The following HSPG2 variants were observed in gnomAD, a reference collection of about 807,000 sequenced individuals.
The protein encoded by HSPG2 is heparan sulfate proteoglycan 2.
Under a neutral mutation model 526.6 loss-of-function variants are expected in HSPG2, and 278 were observed. The observed-to-expected ratio is 0.53, with a 90% CI of 0.48 to 0.58. The LOEUF is 0.58. HSPG2 is among the 20% of genes least tolerant of loss of function. The pLI is 0.00. For synonymous variants in HSPG2, 2,465 were observed against 2,555.4 expected (o/e 0.96, Z 1.07); for missense variants, 5,354 against 6,099.5 (o/e 0.88, Z 4.07).
In HSPG2 at chr1:21,824,451, T is replaced by A; in HGVS notation, c.12745-75A>T. 6.3e-7 allele frequency: 1 copy of A among 1,599,440 alleles called. No homozygotes were observed. On this transcript the variant is annotated intron_variant, in intron 93 of 96. Coordinates refer to ENST00000374695, the MANE Select transcript of HSPG2 (RefSeq NM_005529.7). This position sits in a 1 kb window ranked among gnomAD's most constrained non-coding sequence, Gnocchi z 5.9. ...GCTGCCGAGGCCAGGGGGCTCTGCT[T>A]TCCCCTCCCCCCACCACTCCGGCCA...
Position 21,855,358 on chromosome 1 carries a change from G to A in HSPG2, c.5943C>T (p.Gly1981=), listed in dbSNP as rs539388297. The A allele has an allele frequency of 3.1e-6, 5 of 1,611,334 alleles. No homozygotes were observed. Among genetic ancestry groups the A allele is most frequent in the African/African-American group, 2.7e-5 (2 of 75,022 alleles). ...RTVRLYCRAA[G]VPSATITWRK... Reference sequence around the variant, plus strand: ...TCCAGGTGATGGTGGCGCTAGGCACGCCTGCAGCCCTGCAGTACAGCCTGA... The same window carrying A: ...TCCAGGTGATGGTGGCGCTAGGCACACCTGCAGCCCTGCAGTACAGCCTGA... Residue 1981 remains glycine (G), a synonymous_variant, in exon 47 of 97, where the codon GGC becomes GGT. Coordinates refer to ENST00000374695, the MANE Select transcript of HSPG2 (RefSeq NM_005529.7).
intron 1 of HSPG2, among the ~76,000 whole-genome samples, chr1:21,903,556 C>T (rs769497135): frequency 2.6e-5 from 4 of 152,054 alleles, no homozygotes; most frequent in Non-Finnish European, 5.9e-5. Flanking sequence ...GCCAAGATTG[C>T]GCCACTGCAC....
Position 21,859,728 on chromosome 1 carries a change from T to A in HSPG2, c.5183-52A>T, listed in dbSNP as rs550083434. On this transcript the variant is annotated intron_variant, in intron 41 of 96. Coordinates refer to ENST00000374695, the MANE Select transcript of HSPG2 (RefSeq NM_005529.7). This position sits in a 1 kb window ranked among gnomAD's most constrained non-coding sequence, Gnocchi z 5.3. ...TGGTGCAGATACACTCTTTCTCACA[T>A]CCAGCCCCATGCACAAGGACAGCAT... 1.3e-6 allele frequency: 2 copies of A among 1,582,418 alleles called. No homozygotes were observed. Among genetic ancestry groups the A allele is most frequent in the African/African-American group, 2.7e-5 (2 of 74,766 alleles).
chr1:21,927,272 G>C (rs186982446), intron 1 of HSPG2, among the ~76,000 whole-genome samples: 9 of 152,258 alleles, frequency 5.9e-5, no homozygotes, highest in Non-Finnish European at 1.3e-4. Context: ...TGATGGGGAG[G>C]GGGGACACAT....
At chr1:21,892,907 C>T (rs1351525523) in intron 3 of HSPG2, among the ~76,000 whole-genome samples, 1 of 151,974 alleles carries the variant, frequency 6.6e-6, no homozygotes, top group African/African-American at 2.4e-5. Flanking sequence ...AAGAACCAGC[C>T]TCCAGAGCCA....
At chr1:21,849,653 GA>G (rs1572217681) in intron 57 of HSPG2, among the ~76,000 whole-genome samples, 2 of 152,144 alleles carry the variant, frequency 1.3e-5, no homozygotes, top group East Asian at 1.9e-4. Flanking sequence ...AACAGTGTCT[GA>G]ACTCGAACAT....
In HSPG2 at chr1:21,852,975, C is replaced by A. The variant is rs1285470830; in HGVS notation, c.6535G>T (p.Ala2179Ser). Residue 2179 changes from alanine (A) to serine (S), a missense_variant, in exon 51 of 97, where the codon GCC becomes TCC. Ala to Ser is a moderately conservative substitution (Grantham distance 99). Transcript: ENST00000374695. The part of the protein sequence containing the change: ...LDLNCVVPGQ[A>S]HAQVTWHKRG... ...TTGTGCCACGTGACCTGGGCGTGGG[C>A]CTGCCCGGGCACCACGCAGTTCAGA... 6.2e-7 allele frequency: 1 copy of A among 1,613,464 alleles called. No homozygotes were observed. The highest frequency in any genetic ancestry group is 1.3e-5 in the African/African-American group (1 of 74,930).
chr1:21,853,148 G>A, intron 50 of HSPG2, 78 bp from the exon 51 acceptor site: 1 of 1,590,948 alleles, frequency 6.3e-7, no homozygotes, highest in African/African-American at 1.3e-5. Flanking sequence ...GCTCTGGGCT[G>A]TGACCAGGCC....
chr1:21,857,137 G>A lies in HSPG2; in HGVS notation c.5453C>T (p.Ala1818Val). 1 of 1,614,144 alleles carries A rather than the reference G, an allele frequency of 6.2e-7. No homozygotes were observed. The highest frequency in any genetic ancestry group is 8.5e-7 in the Non-Finnish European group (1 of 1,180,024). The change falls in exon 44 of 97, where the codon GCC (alanine) becomes GTC (valine). Residue 1818 changes from alanine to valine, a missense_variant. Transcript: ENST00000374695. ...RLHNGKLPTR[A>V]MDFNGILTIR... ...GGTCAGGATGCCATTGAAATCCATG[G>A]CTCGGGTGGGCAGTTTCCCGTTGTG...
Position 21,833,532 on chromosome 1 carries a change from G to A in HSPG2, c.10913C>T (p.Thr3638Ile). The A allele has an allele frequency of 8.1e-6, 13 of 1,614,198 alleles. No homozygotes were observed. The highest frequency in any genetic ancestry group is 1.0e-5 in the Non-Finnish European group (12 of 1,180,022). The change falls in exon 79 of 97, where the codon ACC becomes ATC. Residue 3638 changes from threonine to isoleucine, a missense_variant. Thr to Ile is a moderately conservative substitution (Grantham distance 89). Coordinates refer to ENST00000374695, the MANE Select transcript of HSPG2 (RefSeq NM_005529.7). ...LPSVRPQDAG[T>I]YVCTATNRQG... ...GCGGTTAGTGGCGGTGCAGACGTAGGTACCTGCGTCCTGGGGTCGGACTGA... is the reference window on the plus strand; with the variant it reads ...GCGGTTAGTGGCGGTGCAGACGTAGATACCTGCGTCCTGGGGTCGGACTGA...
At chr1:21,841,405 G>A in intron 70 of HSPG2, 120 bp from the exon 71 acceptor site, 1 of 1,558,432 alleles carries the variant, frequency 6.4e-7, no homozygotes. Flanking sequence ...GCACTGAGGT[G>A]GAAACTGAGG....
chr1:21,866,304 A>G (rs1051874490), intron 33 of HSPG2, among the ~76,000 whole-genome samples: 2 of 152,122 alleles, frequency 1.3e-5, no homozygotes, highest in African/African-American at 2.4e-5. Flanking sequence ...GGTTTTCTAT[A>G]AAGAACAACT....
In HSPG2 at chr1:21,853,066, G is replaced by A. The variant is rs376495654; in HGVS notation, c.6444C>T (p.Pro2148=). The A allele has an allele frequency of 1.3e-5, 21 of 1,613,804 alleles. No homozygotes were observed. Among genetic ancestry groups the A allele is most frequent in the African/African-American group, 2.7e-5 (2 of 75,050 alleles). The change falls in exon 51 of 97, where the codon CCC becomes CCT. Residue 2148 remains proline (P), a synonymous_variant. Coordinates refer to ENST00000374695, the MANE Select transcript of HSPG2 (RefSeq NM_005529.7). ...THSGPSYTPV[P]GSTRPIRIEP... ...CGATGCGGATGGGCCGGGTGCTGCC[G>A]GGCACTGGACACAGAGCGGCTGCTC...
At chr1:21,919,237 C>G (rs1261551824) in intron 1 of HSPG2, among the ~76,000 whole-genome samples, 1 of 152,060 alleles carries the variant, frequency 6.6e-6, no homozygotes, top group Admixed American at 6.6e-5. Context: ...ACCAGCCTGG[C>G]CAACATGGTG....
intron 91 of HSPG2, 68 bp downstream of exon 91, chr1:21,827,795 G>C: frequency 6.7e-7 from 1 of 1,483,084 alleles, no homozygotes; most frequent in African/African-American, 1.4e-5. Context: ...GGCCAGAATT[G>C]AGGGTGTGGG....
At chr1:21,886,599 A>G (rs1334033974) in intron 9 of HSPG2, among the ~76,000 whole-genome samples, 1 of 152,126 alleles carries the variant, frequency 6.6e-6, no homozygotes, top group Non-Finnish European at 1.5e-5. Flanking sequence ...TCCCCCTCCT[A>G]TTTAACTGTC....
Position 21,876,498 on chromosome 1 carries a change from C to T in HSPG2, c.2826+14G>A, listed in dbSNP as rs774412499. 1.4e-5 allele frequency: 22 copies of T among 1,613,970 alleles called. No individual in the cohort carries two copies. The South Asian group carries it at 1.9e-4, about 14-fold the overall frequency. Reference sequence around the variant, plus strand: ...AGGGCTTGGCGGTCCTGCCCGCCCACCTTGCAGAGGTACCTGGGCACGGCT... The same window carrying T: ...AGGGCTTGGCGGTCCTGCCCGCCCATCTTGCAGAGGTACCTGGGCACGGCT... On this transcript the variant is annotated intron_variant, in intron 22 of 96. Transcript: ENST00000374695.
At chr1:21,909,540 T>A (rs1005526917) in intron 1 of HSPG2, among the ~76,000 whole-genome samples, 1 of 152,224 alleles carries the variant, frequency 6.6e-6, no homozygotes, top group African/African-American at 2.4e-5. Flanking sequence ...GCAGGGAATG[T>A]CCCAAGGGAC....
At chr1:21,878,762 C>A in intron 18 of HSPG2, 99 bp from the exon 19 acceptor site, 1 of 1,294,974 alleles carries the variant, frequency 7.7e-7, no homozygotes, top group East Asian at 2.3e-5. Context: ...CACAGTGTGC[C>A]ACGAGGCATG....
Sources: gnomAD v4.1 joint callset for allele counts (sites outside exome capture counted in the v4.1 genomes callset) on GRCh38, gnomAD v4.1.1 for gene constraint, Gnocchi (gnomAD v3.1) non-coding constraint, MANE v1.5 for transcripts, NCBI Gene and HGNC (gene_info 2026-07-23, HGNC 2026-07-21) for gene names.